DGKB: variants seen among roughly 807,000 people sequenced by gnomAD.
DGKB encodes diacylglycerol kinase beta.
In DGKB, 67 loss-of-function variants were observed where a neutral mutation model predicts 114.3. That is an observed-to-expected ratio of 0.59 (90% CI 0.48 to 0.72). DGKB has a LOEUF of 0.72. Ranked by LOEUF, DGKB falls within the 30% of genes least tolerant of loss-of-function variation. The probability of loss-of-function intolerance (pLI) is 0.00; values close to 1 mark genes in which losing one functional copy is unlikely to be tolerated. For synonymous variants in DGKB, 398 were observed against 323.1 expected, an observed-to-expected ratio of 1.23 and a Z score of -2.49; for missense variants, 907 against 975.2, an observed-to-expected ratio of 0.93 and a Z score of 0.93.
At chr7:14,399,270 A>G (rs750190661) in intron 21 of DGKB, among the ~76,000 whole-genome samples, 1 of 151,808 alleles carries the variant, frequency 6.6e-6, no homozygotes, top group Non-Finnish European at 1.5e-5. Context: ...ATTCATTATT[A>G]TAAATATATA....
At chr7:14,392,995 G>GTTTTGTTGTTTTTTTTTTT (rs1554404749) in intron 21 of DGKB, among the ~76,000 whole-genome samples, 42 of 60,544 alleles carry the variant, frequency 6.9e-4, no homozygotes, top group African/African-American at 1.9e-3. Context: ...TTTTGTTTTT[G>GTTTTGTTGTTTTTTTTTTT]TTTTTTTTTT....
Position 14,852,496 on chromosome 7 carries a change from A to AAAAAAAAAAAAAAAAAAAAAAAAAAAAT in DGKB, c.-187-11047_-187-11046insATTTTTTTTTTTTTTTTTTTTTTTTTTT, listed in dbSNP as rs74765279. ...CTAAAATAGTGAAAGTCAAAAAAAA[A>AAAAAAAAAAAAAAAAAAAAAAAAAAAAT]ACAGAAATCAAGCATAGTACACTGG... On this transcript the variant is annotated intron_variant, in intron 1 of 25. Coordinates refer to ENST00000402815, the MANE Select transcript of DGKB (RefSeq NM_001350709.2). Among the ~76,000 whole-genome samples, 5 of 149,016 alleles carry AAAAAAAAAAAAAAAAAAAAAAAAAAAAT rather than the reference A, an allele frequency of 3.4e-5. 1 individual carries two copies. The highest frequency in any genetic ancestry group is 7.4e-5 in the Non-Finnish European group (5 of 67,360).
At chr7:14,599,569 G>A (rs114620150) in intron 17 of DGKB, among the ~76,000 whole-genome samples, 613 of 152,148 alleles carry the variant, frequency 4.0e-3, no homozygotes, top group African/African-American at 0.013. Context: ...GAACAACCAC[G>A]AAACCCTCAC....
At chr7:14,288,289 T>A (rs77625650) in intron 23 of DGKB, among the ~76,000 whole-genome samples, 2 of 3,126 alleles carry the variant, frequency 6.4e-4, no homozygotes, top group Non-Finnish European at 5.4e-4. Flanking sequence ...TACCCTGAGT[T>A]TTTTTTTTTT....
chr7:14,553,108 A>C (rs1006148897), intron 20 of DGKB, among the ~76,000 whole-genome samples: 2 of 152,260 alleles, frequency 1.3e-5, no homozygotes, highest in African/African-American at 4.8e-5. Context: ...GGTCAGCTCA[A>C]GCAGCTCAGC....
intron 23 of DGKB, chr7:14,191,770 G>T: frequency 3.0e-6 from 1 of 336,906 alleles, no homozygotes; most frequent in South Asian, 2.7e-5. Context: ...ACCCACCAAT[G>T]GAAACAAATG....
At chr7:14,450,445 G>T (rs1202594054) in intron 21 of DGKB, among the ~76,000 whole-genome samples, 1 of 152,106 alleles carries the variant, frequency 6.6e-6, no homozygotes, top group Non-Finnish European at 1.5e-5. Flanking sequence ...TAATAAGAAG[G>T]CACAGTGGGA....
intron 6 of DGKB, among the ~76,000 whole-genome samples, chr7:14,715,904 G>A (rs183503877): frequency 8.7e-4 from 132 of 152,198 alleles, no homozygotes; most frequent in South Asian, 3.7e-3. Flanking sequence ...AAACATTTGG[G>A]AACTTTTGTT....
chr7:14,221,299 T>C (rs1165546086), intron 23 of DGKB, among the ~76,000 whole-genome samples: 1 of 151,402 alleles, frequency 6.6e-6, no homozygotes, highest in Non-Finnish European at 1.5e-5. Flanking sequence ...TTAAGTATGA[T>C]ATTAGTTGTG....
In DGKB at chr7:14,168,919, C is replaced by T. The variant is rs115677723; in HGVS notation, c.2304+7920G>A. The stretch of plus-strand genomic sequence containing the variant: ...ATTTTTAGTATGTATGTATTTATAT[C>T]TCATTGCCTTCCAGAAAGATTTTGA... On this transcript the variant is annotated intron_variant, in intron 25 of 25. Coordinates refer to ENST00000402815, the MANE Select transcript of DGKB (RefSeq NM_001350709.2). Among the ~76,000 whole-genome samples the T allele has an allele frequency of 3.6e-3, 554 of 152,240 alleles. 5 individuals are homozygous for T. The highest frequency in any genetic ancestry group is 0.013 in the African/African-American group (536 of 41,526).
chr7:14,714,776 C>T (rs1827928519), intron 6 of DGKB, among the ~76,000 whole-genome samples: 1 of 152,054 alleles, frequency 6.6e-6, no homozygotes, highest in South Asian at 2.1e-4. Flanking sequence ...AGTATAGGAG[C>T]AAATAAGTTG....
chr7:14,870,365 T>C (rs1562773075), intron 1 of DGKB, among the ~76,000 whole-genome samples: 1 of 152,234 alleles, frequency 6.6e-6, no homozygotes, highest in Non-Finnish European at 1.5e-5. Flanking sequence ...GTTAATTCTG[T>C]AGAAAATACC....
chr7:14,264,794 C>T (rs1264166104), intron 23 of DGKB, among the ~76,000 whole-genome samples: 1 of 152,136 alleles, frequency 6.6e-6, no homozygotes, highest in African/African-American at 2.4e-5. Flanking sequence ...TAACCACAGC[C>T]ACAGCCAACA....
In DGKB at chr7:14,818,908, T is replaced by A. The variant is rs575496870; in HGVS notation, c.70+22286A>T. 3.3e-5 allele frequency among the ~76,000 whole-genome samples: 5 copies of A among 152,278 alleles called. No homozygotes were observed. The East Asian group carries it at 9.7e-4, about 29-fold the overall frequency. On this transcript the variant is annotated intron_variant, in intron 2 of 25. Coordinates refer to ENST00000402815, the MANE Select transcript of DGKB (RefSeq NM_001350709.2). ...GGAAGCACCGAGGTTTGAAGTCTGA[T>A]TTAAGTGTCTACTACACAAATAGGC...
At chr7:14,237,512 G>A (rs1792984927) in intron 23 of DGKB, among the ~76,000 whole-genome samples, 1 of 151,896 alleles carries the variant, frequency 6.6e-6, no homozygotes, top group Admixed American at 6.6e-5. Context: ...ATTAATGTGA[G>A]AGCACAGTCT....
At chr7:14,609,376 C>T (rs62445600) in intron 16 of DGKB, among the ~76,000 whole-genome samples, 2,463 of 152,086 alleles carry the variant, frequency 0.016, 29 homozygotes, top group South Asian at 0.023. Context: ...TCTTTCACCA[C>T]ATACAAAAAT....
intron 13 of DGKB, among the ~76,000 whole-genome samples, chr7:14,643,026 A>G (rs773166639): frequency 2.0e-5 from 3 of 152,212 alleles, no homozygotes; most frequent in African/African-American, 4.8e-5. Context: ...CATCTCTTAA[A>G]CAAAGAAGGG....
intron 9 of DGKB, among the ~76,000 whole-genome samples, chr7:14,690,622 T>G (rs1822662006): frequency 6.6e-6 from 1 of 152,260 alleles, no homozygotes; most frequent in African/African-American, 2.4e-5. Context: ...GTGGTTCATT[T>G]ACATAATTTC....
intron 21 of DGKB, among the ~76,000 whole-genome samples, chr7:14,374,020 C>T (rs1175773565): frequency 6.6e-6 from 1 of 152,072 alleles, no homozygotes; most frequent in African/African-American, 2.4e-5. Flanking sequence ...AGATCTAAGA[C>T]AGTCACAGAG....
Sources: gnomAD v4.1 joint callset for allele counts (sites outside exome capture counted in the v4.1 genomes callset) on GRCh38, gnomAD v4.1.1 for gene constraint, MANE v1.5 for transcripts, NCBI Gene and HGNC (gene_info 2026-07-23, HGNC 2026-07-21) for gene names.